Variants in MAGI1 observed in about 807,000 individuals in gnomAD.
The protein encoded by MAGI1 is membrane associated guanylate kinase, WW and PDZ domain containing 1.
In MAGI1, 58 loss-of-function variants were observed where a neutral mutation model predicts 139.9. The ratio of observed to expected loss-of-function variants is 0.41; its 90% CI spans 0.34 to 0.52. MAGI1 has a LOEUF of 0.52. MAGI1 is among the 20% of genes least tolerant of loss of function. The probability of loss-of-function intolerance (pLI) is 0.12; values close to 1 mark genes in which losing one functional copy is unlikely to be tolerated. For synonymous variants in MAGI1, 812 were observed against 737.9 expected (o/e 1.10, Z -1.63); for missense variants, 1,874 against 1,901.6 (o/e 0.99, Z 0.27).
intron 2 of MAGI1, among the ~76,000 whole-genome samples, chr3:65,562,257 A>T (rs2080394018): frequency 1.3e-5 from 2 of 152,204 alleles, no homozygotes; most frequent in Admixed American, 1.3e-4. Flanking sequence ...CATAAAACTT[A>T]CCACGTTTTA....
At chr3:65,945,363 T>C (rs991938137) in intron 1 of MAGI1, among the ~76,000 whole-genome samples, 2 of 152,210 alleles carry the variant, frequency 1.3e-5, no homozygotes, top group East Asian at 3.8e-4. Flanking sequence ...AATGACCACC[T>C]AGGAGATTCT....
intron 12 of MAGI1, among the ~76,000 whole-genome samples, chr3:65,419,881 C>G (rs1946515891): frequency 6.6e-6 from 1 of 152,122 alleles, no homozygotes; most frequent in Admixed American, 6.5e-5. Flanking sequence ...GTAGGGCCCA[C>G]AAAGCCTAAC....
chr3:65,998,761 C>T (rs2066589322), intron 1 of MAGI1, among the ~76,000 whole-genome samples: 1 of 151,922 alleles, frequency 6.6e-6, no homozygotes, highest in African/African-American at 2.4e-5. Context: ...CCATAAGATA[C>T]CAATTTTTAC....
intron 1 of MAGI1, among the ~76,000 whole-genome samples, chr3:65,881,972 G>A (rs1296718990): frequency 1.3e-5 from 2 of 152,186 alleles, no homozygotes; most frequent in Non-Finnish European, 2.9e-5. Flanking sequence ...CAGATCAAAT[G>A]ACAACACTTC....
At chr3:65,687,608 A>G in intron 1 of MAGI1, 1 of 402,020 alleles carries the variant, frequency 2.5e-6, no homozygotes, top group Non-Finnish European at 5.0e-6. Flanking sequence ...GAAGTTGGAT[A>G]GGTGGGATCC....
intron 2 of MAGI1, among the ~76,000 whole-genome samples, chr3:65,570,897 AC>A (rs1157736189): frequency 6.6e-6 from 1 of 152,248 alleles, no homozygotes; most frequent in Non-Finnish European, 1.5e-5. Context: ...GTTCAAAAGA[AC>A]TGCTAGGACA....
intron 1 of MAGI1, among the ~76,000 whole-genome samples, chr3:65,987,283 G>A (rs1053772060): frequency 6.6e-6 from 1 of 152,134 alleles, no homozygotes; most frequent in Non-Finnish European, 1.5e-5. Context: ...TGCATCCTTG[G>A]GCAAGGCATG....
At chr3:65,943,202 T>C (rs898960944) in intron 1 of MAGI1, among the ~76,000 whole-genome samples, 1 of 152,306 alleles carries the variant, frequency 6.6e-6, no homozygotes, top group East Asian at 1.9e-4. Flanking sequence ...GTGTTTCTTT[T>C]GCTGGGAGAA....
chr3:65,828,427 G>C (rs2042347667), intron 1 of MAGI1, among the ~76,000 whole-genome samples: 1 of 152,154 alleles, frequency 6.6e-6, no homozygotes, highest in Non-Finnish European at 1.5e-5. Context: ...TAGTTCTCCA[G>C]GGTAGTATAT....
At chr3:65,908,709 G>A (rs2061537691) in intron 1 of MAGI1, among the ~76,000 whole-genome samples, 1 of 152,216 alleles carries the variant, frequency 6.6e-6, no homozygotes, top group Non-Finnish European at 1.5e-5. Context: ...GAGCTGTCCA[G>A]CGTAAAGGAT....
chr3:65,453,581 AAAT>A (rs2107499449), intron 5 of MAGI1, among the ~76,000 whole-genome samples: 1 of 152,282 alleles, frequency 6.6e-6, no homozygotes, highest in Non-Finnish European at 1.5e-5. Context: ...AAAGCTTAAA[AAAT>A]AATACCAGTT....
At chr3:65,452,809 C>A in intron 6 of MAGI1, 1 of 158,030 alleles carries the variant, frequency 6.3e-6, no homozygotes, top group Non-Finnish European at 1.4e-5. Context: ...TCTGTTTCCC[C>A]TACCTCCAAG....
chr3:65,494,282 C>A (rs1354171542), intron 2 of MAGI1, among the ~76,000 whole-genome samples: 4 of 152,104 alleles, frequency 2.6e-5, no homozygotes, highest in Non-Finnish European at 2.9e-5. Flanking sequence ...AGAAAATTCT[C>A]CCCCTGCATT....
intron 2 of MAGI1, among the ~76,000 whole-genome samples, chr3:65,523,475 G>GA (rs1408828296): frequency 1.3e-5 from 2 of 151,778 alleles, no homozygotes; most frequent in Admixed American, 6.6e-5. Context: ...AAGAATGCAA[G>GA]AAAAAAAAGA....
intron 2 of MAGI1, chr3:65,620,063 A>G (rs2083585180): frequency 1.1e-6 from 1 of 880,444 alleles, no homozygotes; most frequent in Admixed American, 6.2e-5. Context: ...GTCAGGTCCA[A>G]TAAATCAGTG....
rs568917141 is a variant in MAGI1, at chr3:65,546,063, C to T, written c.431-52432G>A. On this transcript the variant is annotated intron_variant, in intron 2 of 22. Coordinates refer to ENST00000402939, the MANE Select transcript of MAGI1 (RefSeq NM_001033057.2). Reference sequence around the variant, plus strand: ...TCCCTCTGTCCCAACCCTAGCCTTCCAGTCCCTCCCCAGAAACAACCAATG... The same window carrying T: ...TCCCTCTGTCCCAACCCTAGCCTTCTAGTCCCTCCCCAGAAACAACCAATG... Among the ~76,000 whole-genome samples the T allele has an allele frequency of 2.1e-3, 322 of 152,074 alleles. 1 individual carries two copies. Among genetic ancestry groups the T allele is most frequent in the African/African-American group, 7.5e-3 (313 of 41,484 alleles).
chr3:65,522,901 C>T (rs980629740), intron 2 of MAGI1, among the ~76,000 whole-genome samples: 22 of 152,132 alleles, frequency 1.4e-4, no homozygotes, highest in Non-Finnish European at 3.1e-4. Flanking sequence ...GGAAGACTCC[C>T]ATATGTTTTT....
chr3:65,406,235 G>A (rs532139013), intron 12 of MAGI1, among the ~76,000 whole-genome samples: 1 of 151,930 alleles, frequency 6.6e-6, no homozygotes, highest in African/African-American at 2.4e-5. Flanking sequence ...AGAAGTAGGA[G>A]AGCTCAGCTG....
rs766569102 is a variant in MAGI1, at chr3:65,361,258, T to C, written c.3575A>G (p.Asn1192Ser). The C allele has an allele frequency of 2.5e-6, 4 of 1,614,086 alleles. No individual in the cohort carries two copies. The highest frequency in any genetic ancestry group is 3.3e-5 in the Admixed American group (2 of 60,006). Residue 1192 changes from asparagine (N) to serine (S), a missense_variant, in exon 22 of 23, where the codon AAT becomes AGT. Transcript: ENST00000402939. ...KHSRAIELIKNGGRRVRLFLK... is the reference protein window; with the variant it reads ...KHSRAIELIKSGGRRVRLFLK... ...AAACAGACGAACTCTGCGGCCACCA[T>C]TCTTAATCAGTTCTATAGCTCGAGA...
Sources: allele counts gnomAD v4.1 joint callset (sites outside exome capture counted in the v4.1 genomes callset), GRCh38; gene constraint gnomAD v4.1.1; transcripts MANE v1.5; gene names NCBI Gene and HGNC (gene_info 2026-07-23, HGNC 2026-07-21).